SRPX: variants seen among roughly 807,000 people sequenced by gnomAD.
The protein encoded by SRPX is sushi repeat-containing protein SRPX.
In SRPX, 24 loss-of-function variants were observed where a neutral mutation model predicts 38.1. That is an observed-to-expected ratio of 0.63 (90% CI 0.46 to 0.89). The LOEUF (loss-of-function observed/expected upper bound fraction) is 0.89. Among genes scored for constraint, SRPX ranks in the 40% least tolerant of loss-of-function variants. The pLI is 0.00. For synonymous variants in SRPX, 184 were observed against 153.8 expected (o/e 1.20, Z -1.45); for missense variants, 416 against 377.8 (o/e 1.10, Z -0.84).
At chrX:38,157,109 C>G (rs1938148774) in intron 7 of SRPX, 80 bp from the exon 8 acceptor site, 1 of 1,095,426 alleles carries the variant, frequency 9.1e-7, no homozygotes. Context: ...CACACAGAAC[C>G]ATTTGTGTAA....
intron 1 of SRPX, among the ~76,000 whole-genome samples, chrX:38,183,905 G>A (rs1256691408): frequency 9.0e-6 from 1 of 111,253 alleles, no homozygotes; most frequent in East Asian, 2.8e-4. Flanking sequence ...TTATAATTTT[G>A]CTCTCCTTGC....
intron 4 of SRPX, among the ~76,000 whole-genome samples, chrX:38,166,628 A>C (rs1205960938): frequency 8.9e-6 from 1 of 112,283 alleles, no homozygotes; most frequent in East Asian, 2.8e-4. Context: ...AAACTTTTAT[A>C]ATTCAGATGA....
rs183778824 is a variant in SRPX, at chrX:38,185,566, A to G, written c.98-7222T>C. Reference sequence around the variant, plus strand: ...TTAAATCAAGGTAGTGCCTTAAAGTACCTTCAGTCTTACAAAAGGCCCCTT... The same window carrying G: ...TTAAATCAAGGTAGTGCCTTAAAGTGCCTTCAGTCTTACAAAAGGCCCCTT... On this transcript the variant is annotated intron_variant, in intron 1 of 9. Transcript: ENST00000378533. Among the ~76,000 whole-genome samples the G allele has an allele frequency of 2.3e-3, 258 of 111,525 alleles. 2 individuals carry two copies. The highest frequency in any genetic ancestry group is 9.6e-4 in the Non-Finnish European group (51 of 53,051).
chrX:38,178,229 A>G (rs1356188453), intron 2 of SRPX, 56 bp downstream of exon 2: 6 of 1,012,461 alleles, frequency 5.9e-6, no homozygotes, highest in Non-Finnish European at 8.3e-6. Context: ...CAAGGCAAAA[A>G]GGAAAGTTCT....
intron 1 of SRPX, among the ~76,000 whole-genome samples, chrX:38,219,057 AGCC>A (rs1939463556): frequency 2.0e-5 from 2 of 98,976 alleles, no homozygotes; most frequent in Non-Finnish European, 4.4e-5. Context: ...GAGCCAGGAA[AGCC>A]AGGGATAGGT....
At chrX:38,190,823 A>G (rs1333976686) in intron 1 of SRPX, among the ~76,000 whole-genome samples, 1 of 111,697 alleles carries the variant, frequency 9.0e-6, no homozygotes, top group South Asian at 3.8e-4. Flanking sequence ...TCTTTTGGAA[A>G]ACTGCATTAT....
chrX:38,215,966 G>A (rs1939416559), intron 1 of SRPX, among the ~76,000 whole-genome samples: 1 of 111,998 alleles, frequency 8.9e-6, no homozygotes, highest in South Asian at 3.7e-4. Flanking sequence ...TGATTTTTCT[G>A]CCCATTAAGT....
chrX:38,172,173 G>A (rs1038860785), intron 3 of SRPX, 116 bp from the exon 4 acceptor site: 2 of 810,269 alleles, frequency 2.5e-6, no homozygotes, highest in African/African-American at 4.2e-5. Context: ...ATATAAGAAG[G>A]CCAGGCGCAG....
chrX:38,171,387 C>G (rs1938465841), intron 4 of SRPX, among the ~76,000 whole-genome samples: 1 of 111,481 alleles, frequency 9.0e-6, no homozygotes, highest in East Asian at 2.8e-4. Flanking sequence ...TGCTTCTGCT[C>G]CCAGGACCAC....
At chrX:38,190,728 A>G (rs778799831) in intron 1 of SRPX, among the ~76,000 whole-genome samples, 9 of 111,886 alleles carry the variant, frequency 8.0e-5, no homozygotes, top group Non-Finnish European at 1.5e-4. Flanking sequence ...GTGTGAGGCT[A>G]CACCCCAGCA....
rs750733265 is a variant in SRPX at position 38,211,647 on chromosome X, C to A, written c.97+9049G>T. Reference sequence around the variant, plus strand: ...CCTTGGAGGTGGAGGTTGCAGTGAGCCGAGATCATGTCACTGCATTCCAGC... The same window carrying A: ...CCTTGGAGGTGGAGGTTGCAGTGAGACGAGATCATGTCACTGCATTCCAGC... On this transcript the variant is annotated intron_variant, in intron 1 of 9. Coordinates refer to ENST00000378533, the MANE Select transcript of SRPX (RefSeq NM_006307.5). Among the ~76,000 whole-genome samples the A allele has an allele frequency of 2.7e-5, 3 of 109,973 alleles. No homozygotes were observed. In the South Asian group the frequency reaches 1.2e-3, roughly 44 times the overall value.
At chrX:38,160,737 C>G (rs1466890721) in intron 6 of SRPX, among the ~76,000 whole-genome samples, 196 bp downstream of exon 6, 3 of 111,200 alleles carry the variant, frequency 2.7e-5, no homozygotes, top group Admixed American at 9.6e-5. Context: ...TCTGGCAACA[C>G]TGACGCCCAT....
chrX:38,180,637 T>C (rs190169393), intron 1 of SRPX, among the ~76,000 whole-genome samples: 1 of 112,178 alleles, frequency 8.9e-6, no homozygotes, highest in African/African-American at 3.2e-5. Flanking sequence ...TGTTTCCCAT[T>C]TCAGCAAATA....
chrX:38,161,038 G>C lies in SRPX; in HGVS notation c.670C>G (p.Leu224Val). The C allele has an allele frequency of 1.7e-6, 2 of 1,209,850 alleles. No individual in the cohort carries two copies. The highest frequency in any genetic ancestry group is 2.2e-6 in the Non-Finnish European group (2 of 894,918). The change falls in exon 6 of 10, where the codon CTC becomes GTC. Residue 224 changes from leucine (L) to valine (V), a missense_variant. Coordinates refer to ENST00000378533, the MANE Select transcript of SRPX (RefSeq NM_006307.5). ...TCTGGAAAGTTGGAGCCTGGGGGGA[G>C]GCCTTTTAGAATGACACTTAGAGAA... ...GILTDVILKG[L>V]PPGSNFPEGD...
intron 1 of SRPX, among the ~76,000 whole-genome samples, chrX:38,200,998 A>C (rs1939102069): frequency 1.8e-5 from 2 of 111,885 alleles, no homozygotes; most frequent in African/African-American, 3.3e-5. Flanking sequence ...AATTTACTTA[A>C]AGGAACAAAT....
intron 1 of SRPX, among the ~76,000 whole-genome samples, chrX:38,207,787 T>C (rs1939240851): frequency 1.8e-5 from 2 of 112,070 alleles, no homozygotes; most frequent in Admixed American, 1.9e-4. Flanking sequence ...ATTCCACTCC[T>C]TTACAATTTG....
chrX:38,213,297 C>T (rs987397528), intron 1 of SRPX, among the ~76,000 whole-genome samples: 1 of 112,048 alleles, frequency 8.9e-6, no homozygotes, highest in African/African-American at 3.2e-5. Flanking sequence ...GAATGCACAA[C>T]TCTGTGAATA....
intron 1 of SRPX, among the ~76,000 whole-genome samples, chrX:38,209,851 T>C (rs1013881062): frequency 8.9e-6 from 1 of 112,095 alleles, no homozygotes; most frequent in Admixed American, 9.4e-5. Context: ...AAGACACAAT[T>C]GCTAGAGAGA....
intron 1 of SRPX, among the ~76,000 whole-genome samples, chrX:38,198,824 T>C (rs938388195): frequency 2.7e-5 from 3 of 111,409 alleles, no homozygotes; most frequent in Non-Finnish European, 5.7e-5. Flanking sequence ...TCAGGGATAA[T>C]ACCATAAGCC....
Sources: allele counts gnomAD v4.1 joint callset (sites outside exome capture counted in the v4.1 genomes callset), GRCh38; gene constraint gnomAD v4.1.1; transcripts MANE v1.5; gene names NCBI Gene and HGNC (gene_info 2026-07-23, HGNC 2026-07-21).